The following ST8SIA5 variants were observed in gnomAD, a reference collection of about 807,000 sequenced individuals.
ST8SIA5 encodes ST8 alpha-N-acetyl-neuraminide alpha-2,8-sialyltransferase 5.
ST8SIA5 carries 24 observed loss-of-function variants against 40.2 expected under a neutral mutation model. That is an observed-to-expected ratio of 0.60 (90% confidence interval 0.43 to 0.84). The LOEUF (loss-of-function observed/expected upper bound fraction) is 0.84, where lower values mean the gene tolerates loss of function less well. Among genes scored for constraint, ST8SIA5 ranks in the 40% least tolerant of loss-of-function variants. The pLI is 0.00. For synonymous variants in ST8SIA5, 198 were observed against 201.8 expected (o/e 0.98, Z 0.16); for missense variants, 465 against 498.5 (o/e 0.93, Z 0.64).
chr18:46,742,610 A>C (rs1256541937), intron 1 of ST8SIA5, among the ~76,000 whole-genome samples: 3 of 152,250 alleles, frequency 2.0e-5, no homozygotes, highest in Non-Finnish European at 4.4e-5. Flanking sequence ...CTTTAAAAAT[A>C]GGCAAAGGGA....
intron 2 of ST8SIA5, among the ~76,000 whole-genome samples, chr18:46,692,982 C>T (rs1241604343): frequency 6.6e-6 from 1 of 151,406 alleles, no homozygotes; most frequent in African/African-American, 2.4e-5. Context: ...GCTACCCTGC[C>T]GACCCTGCCT....
chr18:46,688,815 A>G lies in ST8SIA5; in HGVS notation c.416T>C (p.Ile139Thr), dbSNP rs576438660. Reference protein sequence around the residue: ...KLKYEVDTSGIYHINQEIFRM... With the variant: ...KLKYEVDTSGTYHINQEIFRM... ...GAAGATCTCCTGGTTGATGTGGTAG[A>G]TGCCACTGGTGTCCACCTCATACTT... The change falls in exon 4 of 7, where the codon ATC becomes ACC. Residue 139 changes from isoleucine (I) to threonine (T), a missense_variant. Ile to Thr is a moderately conservative substitution (Grantham distance 89). Transcript: ENST00000315087. 29 of 1,613,724 alleles carry G rather than the reference A, an allele frequency of 1.8e-5. No homozygotes were observed. In the South Asian group the frequency reaches 2.3e-4, roughly 13 times the overall value.
At chr18:46,739,682 G>A (rs1273691343) in intron 1 of ST8SIA5, among the ~76,000 whole-genome samples, 1 of 152,208 alleles carries the variant, frequency 6.6e-6, no homozygotes, top group Non-Finnish European at 1.5e-5. Flanking sequence ...CAACTGAGAA[G>A]CCCTCTGGGG....
intron 6 of ST8SIA5, among the ~76,000 whole-genome samples, chr18:46,681,198 G>T (rs973954807): frequency 6.6e-6 from 1 of 151,340 alleles, no homozygotes; most frequent in African/African-American, 2.4e-5. Context: ...ATTTGGTCTC[G>T]AACTCCTGGC....
Position 46,716,774 on chromosome 18 carries a change from G to C in ST8SIA5, c.132-12110C>G, listed in dbSNP as rs895646635. On this transcript the variant is annotated intron_variant, in intron 1 of 6. Coordinates refer to ENST00000315087, the MANE Select transcript of ST8SIA5 (RefSeq NM_013305.6). ...GAAGGATTATGTGCACTCGCCAGAG[G>C]GTCCTCTGTGTGTGCAATGACAGAA... Among the ~76,000 whole-genome samples the C allele has an allele frequency of 5.9e-5, 9 of 152,246 alleles. 1 individual carries two copies. The highest frequency in any genetic ancestry group is 2.2e-4 in the African/African-American group (9 of 41,476).
chr18:46,709,799 AT>A (rs925584468), intron 1 of ST8SIA5, among the ~76,000 whole-genome samples: 1 of 152,138 alleles, frequency 6.6e-6, no homozygotes, highest in South Asian at 2.1e-4. Context: ...ATGATGCGTT[AT>A]TTTTTTAAAT....
chr18:46,714,264 C>A (rs1361161880), intron 1 of ST8SIA5, among the ~76,000 whole-genome samples: 1 of 152,190 alleles, frequency 6.6e-6, no homozygotes, highest in Non-Finnish European at 1.5e-5. Context: ...GCTGCCTTAA[C>A]CTTGTGAGCA....
rs774319040 is a variant in ST8SIA5 at position 46,680,480 on chromosome 18, C to A, written c.693G>T (p.Pro231=). 5.7e-6 allele frequency: 9 copies of A among 1,588,300 alleles called. No individual in the cohort carries two copies. The highest frequency in any genetic ancestry group is 1.7e-4 in the Middle Eastern group (1 of 6,012). Residue 231 remains proline (P), a synonymous_variant, in exon 7 of 7, where the codon CCG becomes CCT. Coordinates refer to ENST00000315087, the MANE Select transcript of ST8SIA5 (RefSeq NM_013305.6). ...RFHKLEKWRR[P]FYRVLQVYEN... is the part of the protein sequence containing the mutation. ...CGTACACCTGCAGCACGCGATAGAA[C>A]GGCCGCCGCCACTTCTCCAGCTTGT...
At chr18:46,729,149 G>C (rs1344995959) in intron 1 of ST8SIA5, among the ~76,000 whole-genome samples, 3 of 152,052 alleles carry the variant, frequency 2.0e-5, no homozygotes, top group African/African-American at 7.2e-5. Context: ...CTCTGGCCCA[G>C]CCCACCAGGC....
intron 1 of ST8SIA5, among the ~76,000 whole-genome samples, chr18:46,726,011 CCTGGAT>C: frequency 3.3e-5 from 1 of 30,572 alleles, no homozygotes; most frequent in East Asian, 2.1e-3. Context: ...ATATATATAT[CCTGGAT>C]ATATATATAT....
chr18:46,725,480 G>A (rs558639902), intron 1 of ST8SIA5, among the ~76,000 whole-genome samples: 5 of 152,122 alleles, frequency 3.3e-5, no homozygotes, highest in African/African-American at 1.2e-4. Flanking sequence ...ATAGAAGCGA[G>A]GGACTACTGA....
intron 3 of ST8SIA5, 99 bp from the exon 4 acceptor site, chr18:46,689,018 C>A: frequency 7.0e-7 from 1 of 1,427,982 alleles, no homozygotes; most frequent in Non-Finnish European, 9.3e-7. Context: ...GGAGCCGAGG[C>A]CTCTCCTGCT....
intron 1 of ST8SIA5, among the ~76,000 whole-genome samples, chr18:46,710,788 G>A (rs2144511128): frequency 6.6e-6 from 1 of 152,122 alleles, no homozygotes; most frequent in South Asian, 2.1e-4. Context: ...AGCTTCTCCA[G>A]GGCCATGTTT....
rs557259685 is a variant in ST8SIA5 at position 46,687,181 on chromosome 18, C to T, written c.457-895G>A. Among the ~76,000 whole-genome samples the T allele has an allele frequency of 1.4e-4, 22 of 152,308 alleles. No individual in the cohort carries two copies. The South Asian group carries it at 4.6e-3, about 32-fold the overall frequency. ...TTTTATATTTTTAAATGGTTGGAAA[C>T]AACCCAAAGAAGAAACTATTTTGTG... On this transcript the variant is annotated intron_variant, in intron 4 of 6. Transcript: ENST00000315087.
At chr18:46,735,901 C>G (rs1274503795) in intron 1 of ST8SIA5, among the ~76,000 whole-genome samples, 1 of 152,086 alleles carries the variant, frequency 6.6e-6, no homozygotes, top group Non-Finnish European at 1.5e-5. Flanking sequence ...ACATGAGCCA[C>G]CATGTCTGGA....
At position 46,668,841 on chromosome 18, in the gene ST8SIA5, C is replaced by CGT. The variant is rs1568242701; in HGVS notation, c.*11199_*11200dup. On this transcript the variant is annotated 3_prime_UTR_variant, in exon 7 of 7. Coordinates refer to ENST00000315087, the MANE Select transcript of ST8SIA5 (RefSeq NM_013305.6). ...GAAGCTAGCCACAGTGAGGGCCAGA[C>CGT]GTCCCACTGGAGAAGAGTACAGGAC... is the stretch of plus-strand genomic sequence containing the variant. The CGT allele has an allele frequency of 2.0e-5, 3 of 152,168 alleles. No individual in the cohort carries two copies. Among genetic ancestry groups the CGT allele is most frequent in the Non-Finnish European group, 4.4e-5 (3 of 68,050 alleles). The allele number at this position is 152,168 out of a possible 1,614,324, so 9.4% of individuals were successfully genotyped here. A position where few individuals can be genotyped will look rare whatever the true frequency, so the allele number is the denominator to read the frequency against.
chr18:46,755,555 G>C (rs975162142), intron 1 of ST8SIA5, among the ~76,000 whole-genome samples: 2 of 152,138 alleles, frequency 1.3e-5, no homozygotes, highest in African/African-American at 4.8e-5. Flanking sequence ...CCTTAAGCCA[G>C]CAGAGCCGGC....
intron 1 of ST8SIA5, among the ~76,000 whole-genome samples, chr18:46,715,647 T>A (rs1239615997): frequency 1.3e-5 from 2 of 151,954 alleles, no homozygotes; most frequent in Non-Finnish European, 2.9e-5. Flanking sequence ...TGGCATGATC[T>A]CAGCTCACTG....
intron 1 of ST8SIA5, among the ~76,000 whole-genome samples, chr18:46,743,711 A>C (rs2040109660): frequency 1.3e-5 from 2 of 149,112 alleles, no homozygotes; most frequent in Admixed American, 1.3e-4. Flanking sequence ...GGAAATACAG[A>C]GAACACCAAA....
Sources: gnomAD v4.1 joint callset for allele counts (sites outside exome capture counted in the v4.1 genomes callset) on GRCh38, gnomAD v4.1.1 for gene constraint, MANE v1.5 for transcripts, NCBI Gene and HGNC (gene_info 2026-07-23, HGNC 2026-07-21) for gene names.